The following RNF17 variants were observed in gnomAD, a reference collection of about 807,000 sequenced individuals.
The protein encoded by RNF17 is spermatogenesis associated 23.
RNF17 carries 31 observed loss-of-function variants against 200.5 expected under a neutral mutation model. That is an observed-to-expected ratio of 0.15 (90% CI 0.12 to 0.21). The LOEUF (loss-of-function observed/expected upper bound fraction) is 0.21, where lower values mean the gene tolerates loss of function less well. Ranked by LOEUF, RNF17 falls within the 10% of genes least tolerant of loss-of-function variation. The pLI is 1.00. For synonymous variants in RNF17, 606 were observed against 637.8 expected (o/e 0.95, Z 0.75); for missense variants, 1,628 against 1,905.1 (o/e 0.85, Z 2.71).
intron 15 of RNF17, among the ~76,000 whole-genome samples, chr13:24,820,855 G>T (rs1432958685): frequency 1.3e-5 from 2 of 152,108 alleles, no homozygotes; most frequent in Non-Finnish European, 2.9e-5. Context: ...TGCCTTTTTA[G>T]AGTTTGATTA....
intron 15 of RNF17, among the ~76,000 whole-genome samples, chr13:24,816,744 G>A (rs1295612030): frequency 6.6e-6 from 1 of 152,154 alleles, no homozygotes. Context: ...GGCTATCTTG[G>A]CAGGAATAAA....
At chr13:24,824,267 T>A in intron 15 of RNF17, 1 of 703,224 alleles carries the variant, frequency 1.4e-6, no homozygotes. Context: ...AAGAAGAACT[T>A]AAAGCTTCCT....
chr13:24,787,544 C>T (rs1883278057), intron 6 of RNF17, among the ~76,000 whole-genome samples: 1 of 152,146 alleles, frequency 6.6e-6, no homozygotes, highest in Non-Finnish European at 1.5e-5. Context: ...TTAAGATCTT[C>T]TCAGATGTTT....
chr13:24,782,307 C>G (rs1384891918), intron 6 of RNF17, among the ~76,000 whole-genome samples: 1 of 151,870 alleles, frequency 6.6e-6, no homozygotes, highest in Non-Finnish European at 1.5e-5. Flanking sequence ...TTCAAAGTAG[C>G]TGGAACTACA....
intron 10 of RNF17, among the ~76,000 whole-genome samples, chr13:24,794,597 C>A (rs951590208): frequency 6.6e-5 from 10 of 152,090 alleles, no homozygotes; most frequent in Non-Finnish European, 1.3e-4. Flanking sequence ...ATCACTTGAG[C>A]CTGGGAGGCG....
At chr13:24,785,055 T>A (rs559393503) in intron 6 of RNF17, among the ~76,000 whole-genome samples, 4 of 152,284 alleles carry the variant, frequency 2.6e-5, no homozygotes, top group Admixed American at 2.6e-4. Flanking sequence ...AATCTTGAAG[T>A]CAAACTTTTG....
intron 3 of RNF17, among the ~76,000 whole-genome samples, chr13:24,778,019 T>TG (rs1881808859): frequency 6.6e-6 from 1 of 152,166 alleles, no homozygotes; most frequent in Non-Finnish European, 1.5e-5. Flanking sequence ...CCCAGCACTT[T>TG]GGGGGGCCGA....
intron 16 of RNF17, 69 bp from the exon 17 acceptor site, chr13:24,830,415 A>G: frequency 4.4e-6 from 4 of 905,584 alleles, no homozygotes; most frequent in Non-Finnish European, 7.1e-6. Context: ...GTTGGCCATA[A>G]ACCAATCTAA....
Position 24,796,231 on chromosome 13 carries a change from G to A in RNF17, c.1335G>A (p.Glu445=). The A allele has an allele frequency of 6.2e-7, 1 of 1,612,578 alleles. No individual in the cohort carries two copies. The highest frequency in any genetic ancestry group is 1.7e-5 in the Admixed American group (1 of 59,956). Residue 445 remains glutamate (E), a synonymous_variant, in exon 11 of 36, where the codon GAG becomes GAA. Coordinates refer to ENST00000255324, the MANE Select transcript of RNF17 (RefSeq NM_031277.3). Reference sequence around the variant, plus strand: ...AAATAAAAGACGCCAAAGTACTGGAGAAGAAGGTGAATGAATTTTGCAATA... The same window carrying A: ...AAATAAAAGACGCCAAAGTACTGGAAAAGAAGGTGAATGAATTTTGCAATA... ...YSQIKDAKVL[E]KKVNEFCNRS... is the part of the protein sequence containing the mutation.
At chr13:24,750,891 T>G in the RNF17 span, 1 of 152,264 alleles carries the variant, frequency 6.6e-6, no homozygotes, top group Non-Finnish European at 1.5e-5. Context: ...CATGTTGTAG[T>G]TGAGATATCC....
intron 15 of RNF17, among the ~76,000 whole-genome samples, chr13:24,822,379 C>T (rs1186231160): frequency 6.6e-6 from 1 of 151,974 alleles, no homozygotes; most frequent in African/African-American, 2.4e-5. Flanking sequence ...GCCGAGGACT[C>T]CTTCCTGTAT....
chr13:24,762,392 A>AAAAG (rs1555261689), upstream of RNF17, among the ~76,000 whole-genome samples: 1 of 146,252 alleles, frequency 6.8e-6, no homozygotes, highest in African/African-American at 2.5e-5. Context: ...AAAAAAAAAA[A>AAAAG]AGAGAATATG....
intron 5 of RNF17, among the ~76,000 whole-genome samples, chr13:24,781,254 G>T (rs762069854): frequency 1.5e-4 from 23 of 151,652 alleles, no homozygotes; most frequent in Non-Finnish European, 5.9e-5. Flanking sequence ...AAAATGACTT[G>T]TTTCCTGTAA....
intron 2 of RNF17, among the ~76,000 whole-genome samples, chr13:24,767,763 C>T (rs976708222): frequency 7.0e-6 from 1 of 142,824 alleles, no homozygotes; most frequent in African/African-American, 2.6e-5. Context: ...AAAAAAAAAA[C>T]CCTAAAATCT....
the RNF17 span, among the ~76,000 whole-genome samples, chr13:24,886,862 A>G: frequency 3.3e-5 from 5 of 152,218 alleles, no homozygotes; most frequent in South Asian, 2.1e-4. Context: ...CCCACTATAT[A>G]TCAAGTTTAA....
At chr13:24,795,559 C>T (rs984157421) in intron 10 of RNF17, among the ~76,000 whole-genome samples, 5 of 151,798 alleles carry the variant, frequency 3.3e-5, no homozygotes, top group Admixed American at 6.6e-5. Flanking sequence ...CTGTCTTTAC[C>T]TCTACTCACC....
At chr13:24,884,022 T>TAAG, downstream of RNF17, 1 of 1,614,062 alleles carries the variant, frequency 6.2e-7, no homozygotes, top group African/African-American at 1.3e-5. Flanking sequence ...CATCAGGAAA[T>TAAG]AAGTTTTTAA....
chr13:24,885,648 C>A, the RNF17 span: 1 of 1,612,922 alleles, frequency 6.2e-7, no homozygotes, highest in South Asian at 1.1e-5. Context: ...GAGGTGCAGA[C>A]TTGGATCTTC....
In RNF17 at chr13:24,859,240, G is replaced by A. The variant is rs1382286131; in HGVS notation, c.3774+76G>A. The A allele has an allele frequency of 4.9e-6, 5 of 1,028,590 alleles. No individual in the cohort carries two copies. In the East Asian group the frequency reaches 8.0e-5, roughly 16 times the overall value. The allele number at this position is 1,028,590 out of a possible 1,614,324, so 63.7% of individuals were successfully genotyped here. On this transcript the variant is annotated intron_variant, in intron 26 of 35. Coordinates refer to ENST00000255324, the MANE Select transcript of RNF17 (RefSeq NM_031277.3). ...TAAATAGTCTTGTGCATTTGAACAC[G>A]AGAAAGTTGGATTAAAACATCTTTT...
Sources: allele counts gnomAD v4.1 joint callset (sites outside exome capture counted in the v4.1 genomes callset), GRCh38; gene constraint gnomAD v4.1.1; transcripts MANE v1.5; gene names NCBI Gene and HGNC (gene_info 2026-07-23, HGNC 2026-07-21).